Variants in GDF3 observed in about 807,000 individuals in gnomAD.
The protein encoded by GDF3 is growth/differentiation factor 3.
A neutral mutation model predicts 10.2 loss-of-function variants in GDF3; 10 were observed. The observed-to-expected ratio is 0.98, with a 90% confidence interval of 0.60 to 1.66. GDF3 has a LOEUF of 1.66. GDF3 is among the 40% of genes most tolerant of loss of function. GDF3 has a pLI of 0.00. For synonymous variants in GDF3, 166 were observed against 178.5 expected (o/e 0.93, Z 0.56); for missense variants, 450 against 438.3 (o/e 1.03, Z -0.24).
At position 7,693,095 on chromosome 12, in the gene GDF3, C is replaced by T. The variant is rs189920328; in HGVS notation, c.268+2366G>A. On this transcript the variant is annotated intron_variant, in intron 1 of 1. Coordinates refer to ENST00000329913, the MANE Select transcript of GDF3 (RefSeq NM_020634.3). ...CTAGGAAAAGGCCCAATACAGTCTACTTTTACTATTTGCATCTTCAATTTC... is the reference window on the plus strand; with the variant it reads ...CTAGGAAAAGGCCCAATACAGTCTATTTTTACTATTTGCATCTTCAATTTC... Among the ~76,000 whole-genome samples, 17 of 152,306 alleles carry T rather than the reference C, an allele frequency of 1.1e-4. 1 individual carries two copies. The East Asian group carries it at 1.9e-3, about 17-fold the overall frequency.
Position 7,695,585 on chromosome 12 carries a change from A to G in GDF3, c.144T>C (p.Pro48=). 1 of 1,614,156 alleles carries G rather than the reference A, an allele frequency of 6.2e-7. No homozygotes were observed. Among genetic ancestry groups the G allele is most frequent in the Non-Finnish European group, 8.5e-7 (1 of 1,180,030 alleles). The part of the protein sequence containing the change: ...APSPQKFQPV[P]YILKKIFQDR... ...CCTGGAAAATTTTCTTCAAGATATA[A>G]GGCACAGGTTGGAACTTCTGGGGTG... Residue 48 remains proline (P), a synonymous_variant, in exon 1 of 2, where the codon CCT becomes CCC. Transcript: ENST00000329913.
At chr12:7,693,626 T>C (rs1160203971) in intron 1 of GDF3, among the ~76,000 whole-genome samples, 1 of 151,574 alleles carries the variant, frequency 6.6e-6, no homozygotes, top group East Asian at 2.0e-4. Flanking sequence ...CCACCACACC[T>C]CTTCATTCTC....
chr12:7,692,818 G>A (rs1163435982), intron 1 of GDF3, among the ~76,000 whole-genome samples: 1 of 151,296 alleles, frequency 6.6e-6, no homozygotes, highest in Non-Finnish European at 1.5e-5. Context: ...TTTTTTTTAA[G>A]TTTTTGTAGA....
chr12:7,694,806 G>A (rs1864165234), intron 1 of GDF3, among the ~76,000 whole-genome samples: 3 of 152,086 alleles, frequency 2.0e-5, no homozygotes, highest in Non-Finnish European at 4.4e-5. Flanking sequence ...AGAATTGGGT[G>A]GGGAGAACTA....
Position 7,695,529 on chromosome 12 carries a change from G to A in GDF3, c.200C>T (p.Ser67Phe). The A allele has an allele frequency of 1.2e-6, 2 of 1,614,094 alleles. No individual in the cohort carries two copies. The highest frequency in any genetic ancestry group is 8.5e-7 in the Non-Finnish European group (1 of 1,179,994). ...DREAAATTGV[S>F]RDLCYVKELG... Reference sequence around the variant, plus strand: ...CTCCTTTACGTAGCATAAGTCTCGGGAGACCCCAGTGGTCGCTGCTGCCTC... The same window carrying A: ...CTCCTTTACGTAGCATAAGTCTCGGAAGACCCCAGTGGTCGCTGCTGCCTC... Residue 67 changes from serine to phenylalanine, a missense_variant, in exon 1 of 2, where the codon TCC (serine) becomes TTC (phenylalanine). Ser to Phe is a radical substitution (Grantham distance 155). Transcript: ENST00000329913.
chr12:7,694,569 C>A (rs1205313509), intron 1 of GDF3, among the ~76,000 whole-genome samples: 219 of 79,974 alleles, frequency 2.7e-3, no homozygotes, highest in African/African-American at 6.1e-3. Flanking sequence ...GCGAGACTCT[C>A]AAAAAAAAAA....
At chr12:7,693,579 A>G (rs1278277880) in intron 1 of GDF3, among the ~76,000 whole-genome samples, 1 of 151,294 alleles carries the variant, frequency 6.6e-6, no homozygotes, top group East Asian at 2.0e-4. Flanking sequence ...CTTAGGGAGA[A>G]ATTACAACTC....
At chr12:7,691,952 A>G (rs12305278) in intron 1 of GDF3, among the ~76,000 whole-genome samples, 6,009 of 152,106 alleles carry the variant, frequency 0.04, 114 homozygotes, top group Middle Eastern at 0.065. Flanking sequence ...GCTTGCAGTG[A>G]GCCAAGATCA....
rs1260178726 is a variant in GDF3, at chr12:7,689,860, A to G, written c.*18T>C. 5.3e-6 allele frequency: 8 copies of G among 1,498,374 alleles called. No individual in the cohort carries two copies. The highest frequency in any genetic ancestry group is 3.3e-5 in the Admixed American group (2 of 59,866). The allele number at this position is 1,498,374 out of a possible 1,614,324, so 92.8% of individuals were successfully genotyped here. ...GATTTACCCTAAGAACACTCCTTCT[A>G]TTCCCATTTCTGACATCCTACCCAC... is the stretch of plus-strand genomic sequence containing the variant. On this transcript the variant is annotated 3_prime_UTR_variant, in exon 2 of 2. Transcript: ENST00000329913.
chr12:7,692,309 A>T (rs1864139857), intron 1 of GDF3, among the ~76,000 whole-genome samples: 1 of 151,898 alleles, frequency 6.6e-6, no homozygotes. Flanking sequence ...ACATGCCTGT[A>T]ATCCCAGCTA....
In GDF3 at chr12:7,690,554, C is replaced by G; in HGVS notation, c.419G>C (p.Gly140Ala). 2 of 1,607,878 alleles carry G rather than the reference C, an allele frequency of 1.2e-6. No homozygotes were observed. Among genetic ancestry groups the G allele is most frequent in the Non-Finnish European group, 1.7e-6 (2 of 1,176,418 alleles). ...DLGPNSYYNLGPELELALFLV... is the reference protein window; with the variant it reads ...DLGPNSYYNLAPELELALFLV... ...GAACAGAGCCAGTTCCAGCTCTGGT[C>G]CCAGGTTATAGTAAGAATTGGGCCC... Residue 140 changes from glycine to alanine, a missense_variant, in exon 2 of 2, where the codon GGA becomes GCA. Transcript: ENST00000329913.
At position 7,689,970 on chromosome 12, in the gene GDF3, A is replaced by T. The variant is rs1864107650; in HGVS notation, c.1003T>A (p.Ser335Thr). The part of the protein sequence containing the change: ...PQAVCIPTKL[S>T]PISMLYQDNN... Reference sequence around the variant, plus strand: ...TCCTGGTAGAGCATGGAAATGGGAGACAGCTTGGTGGGGATACACACAGCC... The same window carrying T: ...TCCTGGTAGAGCATGGAAATGGGAGTCAGCTTGGTGGGGATACACACAGCC... Residue 335 changes from serine (S) to threonine (T), a missense_variant, in exon 2 of 2, where the codon TCT (serine) becomes ACT (threonine). Physicochemically the swap from Ser to Thr is moderately conservative, Grantham distance 58. Transcript: ENST00000329913. 1.9e-6 allele frequency: 3 copies of T among 1,613,748 alleles called. No individual in the cohort carries two copies. The highest frequency in any genetic ancestry group is 1.3e-5 in the African/African-American group (1 of 74,894).
Position 7,690,284 on chromosome 12 carries a change from T to C in GDF3, c.689A>G (p.His230Arg), listed in dbSNP as rs779122666. The change falls in exon 2 of 2, where the codon CAT (histidine) becomes CGT (arginine). Residue 230 changes from histidine (H) to arginine (R), a missense_variant. His to Arg is a conservative substitution (Grantham distance 29). Transcript: ENST00000329913. ...DTCARLRCSLHASLLVVTLNP... is the reference protein window; with the variant it reads ...DTCARLRCSLRASLLVVTLNP... ...GAGAGTCACCACCAGCAGGGAAGCA[T>C]GAAGGGAGCATCTTAGTCTGGCACA... The C allele has an allele frequency of 2.5e-5, 40 of 1,613,936 alleles. 2 individuals carry two copies. The South Asian group carries it at 4.3e-4, about 17-fold the overall frequency.
chr12:7,692,101 T>C (rs778457581), intron 1 of GDF3, among the ~76,000 whole-genome samples: 1 of 152,142 alleles, frequency 6.6e-6, no homozygotes, highest in East Asian at 2.0e-4. Context: ...ATCCTAAATA[T>C]TTTACTTTAG....
chr12:7,690,085 C>T lies in GDF3; in HGVS notation c.888G>A (p.Glu296=). Residue 296 remains glutamate, a synonymous_variant, in exon 2 of 2, where the codon GAG becomes GAA. Transcript: ENST00000329913. The part of the protein sequence containing the change: ...KGFMANYCHG[E]CPFSLTISLN... ...GAGAGATGGTCAGTGAGAAGGGACA[C>T]TCTCCATGGCAGTAATTTGCCATGA... The T allele has an allele frequency of 6.2e-7, 1 of 1,614,106 alleles. No individual in the cohort carries two copies. Among genetic ancestry groups the T allele is most frequent in the Non-Finnish European group, 8.5e-7 (1 of 1,180,010 alleles).
At position 7,690,226 on chromosome 12, in the gene GDF3, C is replaced by T; in HGVS notation, c.747G>A (p.Arg249=). The change falls in exon 2 of 2, where the codon AGG becomes AGA. Residue 249 remains arginine (R), a synonymous_variant. Coordinates refer to ENST00000329913, the MANE Select transcript of GDF3 (RefSeq NM_020634.3). ...GCTTGGGGACAGGGATGGCTGCTCT[C>T]CTTTTCCGAGAAGGGTGGCACTGAT... The part of the protein sequence containing the change: ...NPDQCHPSRK[R]RAAIPVPKLS... 1.2e-6 allele frequency: 2 copies of T among 1,614,078 alleles called. No individual in the cohort carries two copies. Among genetic ancestry groups the T allele is most frequent in the South Asian group, 2.2e-5 (2 of 91,070 alleles).
At chr12:7,695,403 C>T (rs1242180694) in intron 1 of GDF3, 58 bp downstream of exon 1, 54 of 1,499,094 alleles carry the variant, frequency 3.6e-5, no homozygotes, top group Non-Finnish European at 5.0e-5. Context: ...ATTGTCCTTT[C>T]CTTTCTTCAC....
At chr12:7,690,933 C>T (rs1236021216) in intron 1 of GDF3, among the ~76,000 whole-genome samples, 7 of 151,924 alleles carry the variant, frequency 4.6e-5, no homozygotes, top group Non-Finnish European at 7.4e-5. Flanking sequence ...GGGCGGATCA[C>T]GAGGTCAGGA....
rs1864107308 is a variant in GDF3 at position 7,689,942 on chromosome 12, T to C, written c.1031A>G (p.Asn344Ser). The C allele has an allele frequency of 6.2e-7, 1 of 1,613,938 alleles. No homozygotes were observed. Among genetic ancestry groups the C allele is most frequent in the African/African-American group, 1.3e-5 (1 of 74,950 alleles). Residue 344 changes from asparagine to serine, a missense_variant, in exon 2 of 2, where the codon AAT becomes AGT. Transcript: ENST00000329913. ...LSPISMLYQD[N>S]NDNVILRHYE... is the part of the protein sequence containing the mutation. ...ATGTCGTAGAATGACATTGTCATTA[T>C]TGTCCTGGTAGAGCATGGAAATGGG... is the stretch of plus-strand genomic sequence containing the variant.
Sources: gnomAD v4.1 joint callset for allele counts (sites outside exome capture counted in the v4.1 genomes callset) on GRCh38, gnomAD v4.1.1 for gene constraint, MANE v1.5 for transcripts, NCBI Gene and HGNC (gene_info 2026-07-23, HGNC 2026-07-21) for gene names.